CARMIL1: variants seen among roughly 807,000 people sequenced by gnomAD.
CARMIL1 encodes capping protein regulator and myosin 1 linker 1, also known as F-actin-uncapping protein LRRC16A.
A neutral mutation model predicts 177.1 loss-of-function variants in CARMIL1; 90 were observed. That is an observed-to-expected ratio of 0.51 (90% CI 0.43 to 0.61). The LOEUF (loss-of-function observed/expected upper bound fraction) is 0.61, where lower values mean the gene tolerates loss of function less well. Ranked by LOEUF, CARMIL1 falls within the 20% of genes least tolerant of loss-of-function variation. The probability of loss-of-function intolerance (pLI) is 0.00; values close to 1 mark genes in which losing one functional copy is unlikely to be tolerated. For synonymous variants in CARMIL1, 577 were observed against 606.2 expected, an observed-to-expected ratio of 0.95 and a Z score of 0.71; for missense variants, 1,380 against 1,667.0, an observed-to-expected ratio of 0.83 and a Z score of 3.00.
In CARMIL1 at chr6:25,417,886, A is replaced by G. The variant is rs553264665; in HGVS notation, c.139-2228A>G. ...AGTTGTTGTGAGGATTAAGTGTGCC[A>G]CTCTCCTCAAAGATATTCACCTATT... On this transcript the variant is annotated intron_variant, in intron 2 of 36. Coordinates refer to ENST00000329474, the MANE Select transcript of CARMIL1 (RefSeq NM_017640.6). Among the ~76,000 whole-genome samples the G allele has an allele frequency of 2.6e-5, 4 of 152,220 alleles. No homozygotes were observed. The South Asian group carries it at 8.3e-4, about 32-fold the overall frequency.
intron 2 of CARMIL1, among the ~76,000 whole-genome samples, chr6:25,383,396 A>G (rs1402494198): frequency 1.3e-5 from 2 of 152,230 alleles, no homozygotes; most frequent in Non-Finnish European, 2.9e-5. Flanking sequence ...CCATAAACAT[A>G]TAACAATCCA....
At chr6:25,517,261 A>T in intron 21 of CARMIL1, 86 bp from the exon 22 acceptor site, 1 of 930,160 alleles carries the variant, frequency 1.1e-6, no homozygotes, top group Non-Finnish European at 1.7e-6. Context: ...ATATCTACAC[A>T]CTGCTGTCTA....
At chr6:25,391,232 GTAGC>G (rs1231104197) in intron 2 of CARMIL1, among the ~76,000 whole-genome samples, 1 of 152,114 alleles carries the variant, frequency 6.6e-6, no homozygotes, top group Admixed American at 6.5e-5. Flanking sequence ...TTATAATAGG[GTAGC>G]TGGCTGGGTG....
chr6:25,366,471 C>T (rs1028347), intron 2 of CARMIL1, among the ~76,000 whole-genome samples: 132,698 of 151,734 alleles, frequency 0.87, 58,374 homozygotes, highest in African/African-American at 0.96. Flanking sequence ...TTCTGCTTTA[C>T]TTTTCTCCAT....
intron 36 of CARMIL1, among the ~76,000 whole-genome samples, chr6:25,615,574 A>G (rs1053654621): frequency 9.9e-5 from 15 of 152,146 alleles, no homozygotes; most frequent in African/African-American, 2.7e-4. Flanking sequence ...TTCCTTTTAT[A>G]TATCACTTGC....
intron 3 of CARMIL1, among the ~76,000 whole-genome samples, chr6:25,424,950 T>A (rs575243457): frequency 1.3e-5 from 2 of 152,304 alleles, no homozygotes; most frequent in East Asian, 3.9e-4. Context: ...GGCACAGTAT[T>A]AAAGGGTAGT....
chr6:25,618,036 A>G (rs2151357385), intron 36 of CARMIL1, among the ~76,000 whole-genome samples: 1 of 152,332 alleles, frequency 6.6e-6, no homozygotes, highest in South Asian at 2.1e-4. Flanking sequence ...TTATTATCAG[A>G]TTTGAAAGGT....
chr6:25,522,384 C>T (rs1806660866), intron 23 of CARMIL1, among the ~76,000 whole-genome samples: 1 of 152,148 alleles, frequency 6.6e-6, no homozygotes, highest in South Asian at 2.1e-4. Context: ...CATCTCTGGC[C>T]AACTCTTTTG....
chr6:25,320,872 C>T (rs566460214), intron 2 of CARMIL1, among the ~76,000 whole-genome samples: 104 of 152,320 alleles, frequency 6.8e-4, no homozygotes, highest in African/African-American at 2.3e-3. Context: ...GTAAAATACG[C>T]TAACACTAAT....
At chr6:25,452,002 C>CG (rs753709186) in intron 8 of CARMIL1, 11 of 258,948 alleles carry the variant, frequency 4.2e-5, no homozygotes, top group East Asian at 2.1e-4. Flanking sequence ...CCCTCCCCCC[C>CG]CCAGAATACT....
intron 2 of CARMIL1, among the ~76,000 whole-genome samples, chr6:25,292,650 C>A (rs866256449): frequency 6.6e-6 from 1 of 152,166 alleles, no homozygotes; most frequent in Non-Finnish European, 1.5e-5. Context: ...TTAGGATAGG[C>A]GAGTCAAATG....
At chr6:25,362,462 G>A (rs571424985) in intron 2 of CARMIL1, among the ~76,000 whole-genome samples, 1 of 152,194 alleles carries the variant, frequency 6.6e-6, no homozygotes, top group African/African-American at 2.4e-5. Flanking sequence ...ATCACCTGAG[G>A]TCCGGAGTTT....
intron 2 of CARMIL1, among the ~76,000 whole-genome samples, chr6:25,309,479 C>CT (rs35901028): frequency 0.096 from 13,925 of 145,224 alleles, 682 homozygotes; most frequent in Middle Eastern, 0.14. Flanking sequence ...AATTTTGAGC[C>CT]TTTTTTTTTT....
chr6:25,334,398 C>T (rs1786006306), intron 2 of CARMIL1, among the ~76,000 whole-genome samples: 6 of 152,184 alleles, frequency 3.9e-5, no homozygotes. Context: ...GGTGATTTGT[C>T]TAGAGGATAA....
At chr6:25,423,469 G>C (rs1562117051) in intron 3 of CARMIL1, among the ~76,000 whole-genome samples, 1 of 152,164 alleles carries the variant, frequency 6.6e-6, no homozygotes, top group Non-Finnish European at 1.5e-5. Flanking sequence ...GTTTTATACT[G>C]GCCAAAAGGC....
chr6:25,386,583 AG>A (rs1350165963), intron 2 of CARMIL1, among the ~76,000 whole-genome samples: 1 of 152,056 alleles, frequency 6.6e-6, no homozygotes, highest in African/African-American at 2.4e-5. Context: ...GAACTTTGTT[AG>A]TATGGTTTAG....
intron 2 of CARMIL1, among the ~76,000 whole-genome samples, chr6:25,320,806 A>G (rs932913625): frequency 2.0e-5 from 3 of 152,250 alleles, no homozygotes; most frequent in Admixed American, 6.5e-5. Context: ...AGGGGTATCC[A>G]ATCTTTTGGC....
chr6:25,361,713 A>G (rs1403140606), intron 2 of CARMIL1, among the ~76,000 whole-genome samples: 1 of 152,170 alleles, frequency 6.6e-6, no homozygotes, highest in African/African-American at 2.4e-5. Context: ...TTGCATTTGG[A>G]GGTGGGGCCT....
chr6:25,536,938 GAAAT>G (rs1431184543), intron 24 of CARMIL1, among the ~76,000 whole-genome samples: 1 of 152,084 alleles, frequency 6.6e-6, no homozygotes, highest in African/African-American at 2.4e-5. Context: ...TTAAGAACAT[GAAAT>G]AAATAGACAA....
Sources: gnomAD v4.1 joint callset for allele counts (sites outside exome capture counted in the v4.1 genomes callset) on GRCh38, gnomAD v4.1.1 for gene constraint, MANE v1.5 for transcripts, NCBI Gene and HGNC (gene_info 2026-07-23, HGNC 2026-07-21) for gene names.